DOCK1: variants seen among roughly 807,000 people sequenced by gnomAD.
The protein encoded by DOCK1 is dedicator of cytokinesis protein 1.
A neutral mutation model predicts 262.7 loss-of-function variants in DOCK1; 138 were observed. The ratio of observed to expected loss-of-function variants is 0.53; its 90% CI spans 0.46 to 0.61. The LOEUF (loss-of-function observed/expected upper bound fraction) is 0.61, where lower values mean the gene tolerates loss of function less well. Ranked by LOEUF, DOCK1 falls within the 20% of genes least tolerant of loss-of-function variation. The pLI is 0.00. For missense variants in DOCK1, 1,908 were observed against 2,370.7 expected, an observed-to-expected ratio of 0.80 and a Z score of 4.05; for synonymous variants, 866 against 867.4, an observed-to-expected ratio of 1.00 and a Z score of 0.03.
intron 49 of DOCK1, among the ~76,000 whole-genome samples, chr10:127,442,543 G>A (rs1023875644): frequency 2.0e-5 from 3 of 152,274 alleles, no homozygotes; most frequent in African/African-American, 7.2e-5. Flanking sequence ...ACTTACTGAT[G>A]GAACAAACAG....
chr10:126,951,272 GTAT>G (rs2036203757), intron 1 of DOCK1, among the ~76,000 whole-genome samples: 3 of 151,338 alleles, frequency 2.0e-5, no homozygotes, highest in Non-Finnish European at 2.9e-5. Context: ...GGTGGTGGTA[GTAT>G]TGTTGGTAGT....
At chr10:127,218,478 C>T (rs1219163354) in intron 27 of DOCK1, among the ~76,000 whole-genome samples, 1 of 152,146 alleles carries the variant, frequency 6.6e-6, no homozygotes, top group Non-Finnish European at 1.5e-5. Flanking sequence ...AGTTTTCCGA[C>T]TCCCAGTCTG....
intron 29 of DOCK1, among the ~76,000 whole-genome samples, chr10:127,272,927 A>T (rs971368502): frequency 2.0e-5 from 3 of 152,160 alleles, no homozygotes; most frequent in African/African-American, 7.2e-5. Flanking sequence ...TGCCCCCATG[A>T]TTCAATTACT....
chr10:127,387,626 A>G (rs1307668610), intron 38 of DOCK1, among the ~76,000 whole-genome samples: 1 of 152,198 alleles, frequency 6.6e-6, no homozygotes, highest in Non-Finnish European at 1.5e-5. Context: ...GTTCCCCAGT[A>G]GGCTCTGAGC....
chr10:127,242,785 A>G (rs2059307467), intron 27 of DOCK1, among the ~76,000 whole-genome samples: 1 of 152,290 alleles, frequency 6.6e-6, no homozygotes, highest in East Asian at 1.9e-4. Flanking sequence ...TTTCCTCTTC[A>G]AAGTCCTTGC....
rs111726529 is a variant in DOCK1 at position 127,021,990 on chromosome 10, C to A, written c.1328-1210C>A. Among the ~76,000 whole-genome samples, 1,485 of 152,256 alleles carry A rather than the reference C, an allele frequency of 9.8e-3. 20 individuals carry two copies. Among genetic ancestry groups the A allele is most frequent in the African/African-American group, 0.034 (1,409 of 41,556 alleles). On this transcript the variant is annotated intron_variant, in intron 13 of 51. Coordinates refer to ENST00000623213, the MANE Select transcript of DOCK1 (RefSeq NM_001290223.2). Reference sequence around the variant, plus strand: ...GGTCAGGGCGTGGGAGGTGGCCAGGCAGGCAGCAGAGGAGCAGTGGCTGGG... The same window carrying A: ...GGTCAGGGCGTGGGAGGTGGCCAGGAAGGCAGCAGAGGAGCAGTGGCTGGG...
intron 33 of DOCK1, among the ~76,000 whole-genome samples, chr10:127,363,954 A>G (rs549174644): frequency 6.6e-6 from 1 of 152,314 alleles, no homozygotes; most frequent in Admixed American, 6.5e-5. Context: ...AATAGAATCT[A>G]CCAGAAAGGC....
At chr10:127,324,192 G>T (rs1211331930) in intron 29 of DOCK1, among the ~76,000 whole-genome samples, 1 of 152,204 alleles carries the variant, frequency 6.6e-6, no homozygotes, top group African/African-American at 2.4e-5. Flanking sequence ...TGGACCTCAA[G>T]TGTCAAACAG....
Position 127,065,169 on chromosome 10 carries a change from C to T in DOCK1, c.2445+3393C>T, listed in dbSNP as rs770853549. Among the ~76,000 whole-genome samples the T allele has an allele frequency of 7.9e-5, 12 of 152,186 alleles. No homozygotes were observed. The South Asian group carries it at 8.3e-4, about 11-fold the overall frequency. On this transcript the variant is annotated intron_variant, in intron 23 of 51. Transcript: ENST00000623213. ...GATTACAGGCACCTGCCACCATGCCCGGCTAATTTTTTTGAATTTTTAGTA... is the reference window on the plus strand; with the variant it reads ...GATTACAGGCACCTGCCACCATGCCTGGCTAATTTTTTTGAATTTTTAGTA...
chr10:127,233,327 G>T (rs2058925109), intron 27 of DOCK1, among the ~76,000 whole-genome samples: 1 of 152,166 alleles, frequency 6.6e-6, no homozygotes, highest in Admixed American at 6.5e-5. Context: ...ACATAACTTA[G>T]AAGTTGGAAA....
At chr10:127,204,477 G>A (rs2057620821) in intron 27 of DOCK1, among the ~76,000 whole-genome samples, 2 of 152,050 alleles carry the variant, frequency 1.3e-5, no homozygotes, top group Admixed American at 1.3e-4. Context: ...AGTGGACTTA[G>A]GGTTTCACCA....
intron 30 of DOCK1, among the ~76,000 whole-genome samples, chr10:127,342,095 T>TTGC (rs955397873): frequency 2.8e-3 from 320 of 114,726 alleles, no homozygotes; most frequent in Non-Finnish European, 4.7e-3. Flanking sequence ...GCTGTTGTTG[T>TTGC]TGCTGCTGCT....
intron 27 of DOCK1, among the ~76,000 whole-genome samples, chr10:127,169,407 T>C (rs2054361562): frequency 6.6e-6 from 1 of 152,262 alleles, no homozygotes; most frequent in South Asian, 2.1e-4. Context: ...GAATGAATGA[T>C]AGGCCGGTGT....
intron 23 of DOCK1, among the ~76,000 whole-genome samples, chr10:127,096,855 T>C (rs2047937994): frequency 6.6e-6 from 1 of 152,002 alleles, no homozygotes; most frequent in South Asian, 2.1e-4. Flanking sequence ...CCCTGTAATC[T>C]CAGCACTTTG....
chr10:127,082,480 G>T (rs1403331880), intron 23 of DOCK1, among the ~76,000 whole-genome samples: 1 of 152,130 alleles, frequency 6.6e-6, no homozygotes, highest in Non-Finnish European at 1.5e-5. Flanking sequence ...AAGAGAGCGT[G>T]TGCAGGAGAA....
At chr10:127,127,022 TCAGG>T (rs949687657) in intron 26 of DOCK1, among the ~76,000 whole-genome samples, 2 of 152,190 alleles carry the variant, frequency 1.3e-5, no homozygotes, top group African/African-American at 4.8e-5. Context: ...TGGTCCCACT[TCAGG>T]CTCTTCCCTG....
chr10:127,191,364 A>T lies in DOCK1; in HGVS notation c.2848-56644A>T, dbSNP rs1482668159. On this transcript the variant is annotated intron_variant, in intron 27 of 51. Coordinates refer to ENST00000623213, the MANE Select transcript of DOCK1 (RefSeq NM_001290223.2). ...GGCCACTGCTGCAACAGCTCAGTAC[A>T]TATCCACAAATCAGAAGTCCTCTCT... 2.0e-5 allele frequency among the ~76,000 whole-genome samples: 3 copies of T among 152,248 alleles called. No homozygotes were observed. The East Asian group carries it at 5.8e-4, about 29-fold the overall frequency.
chr10:127,138,135 G>A, intron 27 of DOCK1: 1 of 909,170 alleles, frequency 1.1e-6, no homozygotes, highest in Non-Finnish European at 1.7e-6. Context: ...TAATTTTATG[G>A]TTTAATAATA....
At chr10:127,062,354 T>C (rs570722607) in intron 23 of DOCK1, among the ~76,000 whole-genome samples, 115 of 152,366 alleles carry the variant, frequency 7.5e-4, no homozygotes, top group African/African-American at 2.7e-3. Context: ...GTAATTAGCA[T>C]AGCATCACCT....
Sources: gnomAD v4.1 joint callset for allele counts (sites outside exome capture counted in the v4.1 genomes callset) on GRCh38, gnomAD v4.1.1 for gene constraint, MANE v1.5 for transcripts, NCBI Gene and HGNC (gene_info 2026-07-23, HGNC 2026-07-21) for gene names.